Variants in HMG20A observed in about 807,000 individuals in gnomAD.
The protein encoded by HMG20A is high mobility group 20A, also known as high mobility group protein 20A.
A neutral mutation model predicts 43.9 loss-of-function variants in HMG20A; 17 were observed. The observed-to-expected ratio is 0.39, with a 90% CI of 0.27 to 0.58. The LOEUF is 0.58. Among genes scored for constraint, HMG20A ranks in the 20% least tolerant of loss-of-function variants. The probability of loss-of-function intolerance (pLI) is 0.59; values close to 1 mark genes in which losing one functional copy is unlikely to be tolerated. For missense variants in HMG20A, 341 were observed against 438.2 expected (o/e 0.78, Z 1.98); for synonymous variants, 132 against 147.5 (o/e 0.89, Z 0.76).
the HMG20A span, among the ~76,000 whole-genome samples, chr15:77,503,275 T>C: frequency 6.6e-6 from 1 of 152,182 alleles, no homozygotes; most frequent in Non-Finnish European, 1.5e-5. Flanking sequence ...CAGTCACTGA[T>C]AGCAAAATCT....
In HMG20A at chr15:77,471,807, A is replaced by T. The variant is rs1202454215; in HGVS notation, c.608A>T (p.Asp203Val). 2 of 1,553,256 alleles carry T rather than the reference A, an allele frequency of 1.3e-6. No homozygotes were observed. Among genetic ancestry groups the T allele is most frequent in the Admixed American group, 1.8e-5 (1 of 56,032 alleles). Reference protein sequence around the residue: ...RQDAARQATHDHEKETEVKER... With the variant: ...RQDAARQATHVHEKETEVKER... Reference sequence around the variant, plus strand: ...GATGCAGCCCGGCAGGCCACTCATGATCATGAGGTAATTAGCCATCTGTCT... The same window carrying T: ...GATGCAGCCCGGCAGGCCACTCATGTTCATGAGGTAATTAGCCATCTGTCT... The change falls in exon 6 of 10, where the codon GAT (aspartate) becomes GTT (valine). Residue 203 changes from aspartate to valine, a missense_variant. Asp to Val is a radical substitution (Grantham distance 152, BLOSUM62 -3). Coordinates refer to ENST00000336216, the MANE Select transcript of HMG20A (RefSeq NM_001304504.2).
chr15:77,480,486 A>G (rs1204188395), intron 9 of HMG20A, among the ~76,000 whole-genome samples: 1 of 151,510 alleles, frequency 6.6e-6, no homozygotes, highest in Non-Finnish European at 1.5e-5. Flanking sequence ...GATGGCGCAC[A>G]CCTATAGTCC....
At chr15:77,462,222 T>C (rs1329874372) in intron 2 of HMG20A, among the ~76,000 whole-genome samples, 3 of 152,190 alleles carry the variant, frequency 2.0e-5, no homozygotes, top group African/African-American at 7.2e-5. Flanking sequence ...TTTTGGCCTA[T>C]CTTATTTAAC....
chr15:77,486,365 A>G (rs922297471), downstream of HMG20A, among the ~76,000 whole-genome samples: 2 of 150,146 alleles, frequency 1.3e-5, no homozygotes, highest in Non-Finnish European at 3.0e-5. Flanking sequence ...GTTTCAAGCG[A>G]TTCTCCTGCC....
downstream of HMG20A, chr15:77,485,647 C>T (rs1363083885): frequency 6.6e-6 from 1 of 152,332 alleles, no homozygotes; most frequent in East Asian, 1.9e-4. Context: ...AAAAGTCCTA[C>T]CTCTGGCCGG....
In HMG20A at chr15:77,438,125, T is replaced by C. The variant is rs559745750; in HGVS notation, c.-5+17121T>C. On this transcript the variant is annotated intron_variant, in intron 1 of 9. Coordinates refer to ENST00000336216, the MANE Select transcript of HMG20A (RefSeq NM_001304504.2). ...GCTCATACCACCACACCAAGCTAGG[T>C]TTTTAGTTTTAATTTTTTTTTTTTT... is the stretch of plus-strand genomic sequence containing the variant. Among the ~76,000 whole-genome samples, 23 of 150,502 alleles carry C rather than the reference T, an allele frequency of 1.5e-4. 1 individual carries two copies. The South Asian group carries it at 4.4e-3, about 29-fold the overall frequency.
chr15:77,468,839 A>G (rs2072781245), intron 4 of HMG20A, among the ~76,000 whole-genome samples: 1 of 152,178 alleles, frequency 6.6e-6, no homozygotes, highest in Admixed American at 6.5e-5. Flanking sequence ...ATTTCTTTAT[A>G]ACATTTTTCC....
rs149722337 is a variant in HMG20A, at chr15:77,461,753, C to G, written c.90-2487C>G. ...GGGATTCATAGGATTGCTACTCTTT[C>G]CCAAACCTAGTTCTCATATTTTACC... On this transcript the variant is annotated intron_variant, in intron 2 of 9. Transcript: ENST00000336216. Among the ~76,000 whole-genome samples, 367 of 152,262 alleles carry G rather than the reference C, an allele frequency of 2.4e-3. 2 individuals carry two copies. The highest frequency in any genetic ancestry group is 8.2e-3 in the African/African-American group (340 of 41,548).
chr15:77,433,626 C>CAA (rs2073513352), intron 1 of HMG20A, among the ~76,000 whole-genome samples: 2 of 152,142 alleles, frequency 1.3e-5, no homozygotes, highest in Non-Finnish European at 2.9e-5. Context: ...AATTAATAAG[C>CAA]AAACTTACAC....
intron 1 of HMG20A, among the ~76,000 whole-genome samples, chr15:77,428,111 A>C (rs2073444982): frequency 6.6e-6 from 1 of 152,210 alleles, no homozygotes. Flanking sequence ...AGCATTTAGC[A>C]GAGATGTTGT....
At chr15:77,450,578 C>G (rs1355453221) in intron 1 of HMG20A, among the ~76,000 whole-genome samples, 1 of 152,182 alleles carries the variant, frequency 6.6e-6, no homozygotes, top group African/African-American at 2.4e-5. Context: ...CAATAAGAAT[C>G]ATTCTCTTAC....
rs375442830 is a variant in HMG20A at position 77,445,670 on chromosome 15, C to G, written c.-4-12734C>G. Among the ~76,000 whole-genome samples the G allele has an allele frequency of 2.0e-4, 31 of 152,232 alleles. No homozygotes were observed. The South Asian group carries it at 6.2e-3, about 31-fold the overall frequency. ...CATATCCATACTGGCAGCCTCACTTCTCTTCTGCTTTGGGGCCGTTGTGAA... is the reference window on the plus strand; with the variant it reads ...CATATCCATACTGGCAGCCTCACTTGTCTTCTGCTTTGGGGCCGTTGTGAA... On this transcript the variant is annotated intron_variant, in intron 1 of 9. Transcript: ENST00000336216.
intron 1 of HMG20A, among the ~76,000 whole-genome samples, chr15:77,440,741 A>G (rs74026913): frequency 0.22 from 33,306 of 152,098 alleles, 4,123 homozygotes; most frequent in Middle Eastern, 0.3. Flanking sequence ...ACTCACTTTC[A>G]TTGCCCATGA....
the HMG20A span, among the ~76,000 whole-genome samples, chr15:77,512,248 G>A: frequency 0.24 from 36,852 of 152,010 alleles, 5,175 homozygotes; most frequent in Non-Finnish European, 0.32. Context: ...GTGGTTGCCA[G>A]GGGGTGGGGG....
chr15:77,450,391 T>A (rs957619644), intron 1 of HMG20A, among the ~76,000 whole-genome samples: 3 of 152,260 alleles, frequency 2.0e-5, no homozygotes, highest in African/African-American at 7.2e-5. Context: ...TGTATCCATT[T>A]ACCTTACACA....
chr15:77,506,327 T>TTAATGGGCA, the HMG20A span, among the ~76,000 whole-genome samples: 1 of 152,098 alleles, frequency 6.6e-6, no homozygotes, highest in Non-Finnish European at 1.5e-5. Flanking sequence ...CAGGGTGTCT[T>TTAATGGGCA]TAATGGGCAG....
chr15:77,424,013 A>G (rs753216394), intron 1 of HMG20A, among the ~76,000 whole-genome samples: 1 of 152,130 alleles, frequency 6.6e-6, no homozygotes, highest in Non-Finnish European at 1.5e-5. Context: ...CTTTGAATAC[A>G]GTAAATACGG....
At chr15:77,497,655 T>TAGAGAGAG in the HMG20A span, among the ~76,000 whole-genome samples, 1,929 of 127,790 alleles carry the variant, frequency 0.015, 16 homozygotes, top group East Asian at 0.049. Context: ...GAGATATTAA[T>TAGAGAGAG]AGAGAGAGAG....
intron 1 of HMG20A, 186 bp downstream of exon 1, chr15:77,421,190 T>G: frequency 1.4e-5 from 4 of 290,416 alleles, no homozygotes; most frequent in East Asian, 5.6e-5. Flanking sequence ...ACACCCTCAC[T>G]TCCTGTGGGG....
Sources: gnomAD v4.1 joint callset for allele counts (sites outside exome capture counted in the v4.1 genomes callset) on GRCh38, gnomAD v4.1.1 for gene constraint, MANE v1.5 for transcripts, NCBI Gene and HGNC (gene_info 2026-07-23, HGNC 2026-07-21) for gene names.